The following RPL31 variants were observed in gnomAD, a reference collection of about 807,000 sequenced individuals.
The protein encoded by RPL31 is ribosomal protein L31.
For missense variants in RPL31, 95 were observed against 164.0 expected (o/e 0.58, Z 2.30); for synonymous variants, 51 against 55.0 (o/e 0.93, Z 0.32).
chr2:101,011,649 G>A (rs1679222367), downstream of RPL31: 2 of 1,123,020 alleles, frequency 1.8e-6, no homozygotes, highest in East Asian at 2.5e-5. Context: ...CTCCCAGCCT[G>A]TGGACTGTAG....
intron 3 of RPL31, 143 bp downstream of exon 3, chr2:101,004,426 G>A (rs1317365785): frequency 1.2e-6 from 1 of 856,244 alleles, no homozygotes; most frequent in Admixed American, 2.9e-5. Context: ...CGTGACTTAG[G>A]GTGTGTAGTA....
intron 4 of RPL31, among the ~76,000 whole-genome samples, chr2:101,015,768 G>A (rs377554322): frequency 5.3e-5 from 8 of 152,070 alleles, no homozygotes; most frequent in African/African-American, 1.2e-4. Context: ...AAACAACGCC[G>A]CATATCCACA....
At chr2:101,002,920 T>G in intron 2 of RPL31, 112 bp downstream of exon 2, 1 of 753,540 alleles carries the variant, frequency 1.3e-6, no homozygotes, top group South Asian at 1.6e-5. Flanking sequence ...CTTCCCTGTT[T>G]CATTCATTGG....
chr2:101,008,291 C>CTT (rs1473367242), downstream of RPL31: 1 of 1,499,060 alleles, frequency 6.7e-7, no homozygotes, highest in Non-Finnish European at 8.9e-7. Flanking sequence ...TGAAATAAGT[C>CTT]TTAGGTAGCA....
chr2:101,004,779 C>G (rs1403082644), intron 3 of RPL31: 1 of 156,926 alleles, frequency 6.4e-6, no homozygotes, highest in Non-Finnish European at 1.4e-5. Flanking sequence ...CATCCTACAA[C>G]TCATGGGGCT....
Position 101,006,610 on chromosome 2 carries a change from G to A in RPL31, c.*229G>A, listed in dbSNP as rs1055955917. On this transcript the variant is annotated 3_prime_UTR_variant, in exon 5 of 5. Transcript: ENST00000264258. ...TGTTCTGGGTAGTTGGGATACTGAAGGCATATTGTTAATTATTCTACTTGT... is the reference window on the plus strand; with the variant it reads ...TGTTCTGGGTAGTTGGGATACTGAAAGCATATTGTTAATTATTCTACTTGT... The A allele has an allele frequency of 6.9e-5, 30 of 436,424 alleles. No homozygotes were observed. Among genetic ancestry groups the A allele is most frequent in the African/African-American group, 4.3e-4 (21 of 48,940 alleles). The allele number at this position is 436,424 out of a possible 1,614,324, so 27.0% of individuals were successfully genotyped here. A position where few individuals can be genotyped will look rare whatever the true frequency, so the allele number is the denominator to read the frequency against.
intron 4 of RPL31, among the ~76,000 whole-genome samples, chr2:101,012,331 A>G (rs547339340): frequency 1.3e-5 from 2 of 152,360 alleles, no homozygotes; most frequent in Admixed American, 1.3e-4. Context: ...TAAACAAATC[A>G]TGGCATACCC....
intron 1 of RPL31, 78 bp downstream of exon 1, chr2:101,002,393 A>G: frequency 5.1e-6 from 2 of 390,356 alleles, no homozygotes; most frequent in East Asian, 5.3e-5. Context: ...TGGGACCGCA[A>G]AATCTCTCCC....
chr2:101,006,082 C>T lies in RPL31; in HGVS notation c.346+11C>T, dbSNP rs1231368394. The T allele has an allele frequency of 2.5e-6, 4 of 1,611,724 alleles. No homozygotes were observed. The highest frequency in any genetic ancestry group is 3.4e-6 in the Non-Finnish European group (4 of 1,179,152). ...TTACCACTTTCAAAAGTAAGTTCTCCATCCCATAAAGCCATTTAAATTCAT... is the reference window on the plus strand; with the variant it reads ...TTACCACTTTCAAAAGTAAGTTCTCTATCCCATAAAGCCATTTAAATTCAT... On this transcript the variant is annotated intron_variant, in intron 4 of 4. Coordinates refer to ENST00000264258, the MANE Select transcript of RPL31 (RefSeq NM_000993.5).
chr2:101,013,417 T>C (rs977950608), intron 4 of RPL31, among the ~76,000 whole-genome samples: 5 of 152,264 alleles, frequency 3.3e-5, no homozygotes, highest in African/African-American at 1.2e-4. Flanking sequence ...CATTCCTATA[T>C]ATATGTAGCC....
At chr2:101,013,316 T>C (rs563296564) in intron 4 of RPL31, among the ~76,000 whole-genome samples, 1 of 152,360 alleles carries the variant, frequency 6.6e-6, no homozygotes, top group African/African-American at 2.4e-5. Context: ...TTATGGGAAA[T>C]AGTAACTACT....
At position 101,014,928 on chromosome 2, in the gene RPL31, T is replaced by G. The variant is rs147100484; in HGVS notation, c.347-4070T>G. 6.3e-3 allele frequency among the ~76,000 whole-genome samples: 956 copies of G among 152,346 alleles called. 8 individuals carry two copies. Among genetic ancestry groups the G allele is most frequent in the Non-Finnish European group, 9.2e-3 (623 of 68,034 alleles). On this transcript the variant is annotated intron_variant, in intron 4 of 4. Coordinates refer to the RPL31 transcript ENST00000409028. The stretch of plus-strand genomic sequence containing the variant: ...TAAACACCTCCCATTCCATAATGCT[T>G]GTAAGGTTTTTCTCCACAGCAAATA...
chr2:101,002,531 C>A, intron 1 of RPL31, 171 bp from the exon 2 acceptor site: 1 of 627,322 alleles, frequency 1.6e-6, no homozygotes, highest in Admixed American at 2.8e-5. Flanking sequence ...GGGTCGGAGG[C>A]ATCTGAGGGG....
chr2:101,006,227 C>T, intron 4 of RPL31, 123 bp from the exon 5 acceptor site: 1 of 1,511,910 alleles, frequency 6.6e-7, no homozygotes, highest in Non-Finnish European at 8.8e-7. Context: ...CAAAACTGAT[C>T]CATATCTGGG....
chr2:101,004,066 C>T (rs1234584047), intron 2 of RPL31, 92 bp from the exon 3 acceptor site: 2 of 1,429,622 alleles, frequency 1.4e-6, no homozygotes. Context: ...AAGTCAGTTT[C>T]CAGGAGCCTA....
At position 101,019,106 on chromosome 2, in the gene RPL31, G is replaced by A. The variant is rs1573874563; in HGVS notation, c.*68G>A. On this transcript the variant is annotated 3_prime_UTR_variant, in exon 5 of 5. Transcript: ENST00000409028. ...CTTCATTGCTTCCTGAGCTGCAGCAGATGCCTTTACAACCAAGCTCACCGA... is the reference window on the plus strand; with the variant it reads ...CTTCATTGCTTCCTGAGCTGCAGCAAATGCCTTTACAACCAAGCTCACCGA... 6 of 1,567,818 alleles carry A rather than the reference G, an allele frequency of 3.8e-6. No homozygotes were observed. The South Asian group carries it at 5.9e-5, about 15-fold the overall frequency.
downstream of RPL31, chr2:101,010,814 G>A: frequency 1.3e-6 from 1 of 773,140 alleles, no homozygotes; most frequent in South Asian, 1.7e-5. Context: ...CCCTGGAGGT[G>A]GAGGTTGCAG....
intron 4 of RPL31, among the ~76,000 whole-genome samples, chr2:101,017,100 G>A (rs929955445): frequency 1.3e-4 from 20 of 149,456 alleles, no homozygotes; most frequent in Non-Finnish European, 3.0e-5. Flanking sequence ...AGACAAACAC[G>A]CACATTAGCC....
At chr2:101,010,328 C>T (rs1395787916), downstream of RPL31, among the ~76,000 whole-genome samples, 2 of 152,128 alleles carry the variant, frequency 1.3e-5, no homozygotes, top group Non-Finnish European at 2.9e-5. Context: ...GGGAAGAATG[C>T]TGTATCCACA....
Sources: allele counts gnomAD v4.1 joint callset (sites outside exome capture counted in the v4.1 genomes callset), GRCh38; gene constraint gnomAD v4.1.1; transcripts MANE v1.5; gene names NCBI Gene and HGNC (gene_info 2026-07-23, HGNC 2026-07-21).